A2ML1: variants seen among roughly 807,000 people sequenced by gnomAD.
A2ML1 encodes alpha-2-macroglobulin-like protein 1.
A2ML1 carries 161 observed loss-of-function variants against 181.9 expected under a neutral mutation model. That is an observed-to-expected ratio of 0.89 (90% CI 0.78 to 1.01). The LOEUF is 1.01. Ranked by LOEUF, A2ML1 falls within the 50% of genes least tolerant of loss-of-function variation. A2ML1 has a pLI of 0.00. For synonymous variants in A2ML1, 663 were observed against 666.8 expected (o/e 0.99, Z 0.09); for missense variants, 1,670 against 1,768.1 (o/e 0.94, Z 1.00).
At chr12:8,841,658 C>T in intron 11 of A2ML1, 122 bp downstream of exon 11, 1 of 1,041,002 alleles carries the variant, frequency 9.6e-7, no homozygotes, top group Non-Finnish European at 1.4e-6. Flanking sequence ...CTCACAAGTC[C>T]TGCTCTCCCG....
intron 7 of A2ML1, among the ~76,000 whole-genome samples, chr12:8,882,704 G>A (rs1287300840): frequency 2.0e-5 from 3 of 152,172 alleles, no homozygotes; most frequent in African/African-American, 7.2e-5. Flanking sequence ...GCTCCCACCT[G>A]TAGTCCCAGC....
chr12:8,833,367 G>T (rs1337347661), intron 4 of A2ML1, among the ~76,000 whole-genome samples: 8 of 152,248 alleles, frequency 5.3e-5, no homozygotes, highest in African/African-American at 1.9e-4. Context: ...CCCTGTGTGA[G>T]AAAAGTACTT....
intron 23 of A2ML1, among the ~76,000 whole-genome samples, chr12:8,856,898 C>CTTTT (rs71891886): frequency 1.2e-4 from 15 of 124,962 alleles, no homozygotes; most frequent in East Asian, 5.0e-4. Flanking sequence ...ACAGTAGGTA[C>CTTTT]TTTTTTTTTT....
At chr12:8,835,120 A>G (rs1450633708) in intron 5 of A2ML1, among the ~76,000 whole-genome samples, 1 of 152,222 alleles carries the variant, frequency 6.6e-6, no homozygotes, top group Non-Finnish European at 1.5e-5. Context: ...TTTCCATTAA[A>G]TCACCCATGT....
At chr12:8,841,189 A>T (rs1943467916) in intron 10 of A2ML1, among the ~76,000 whole-genome samples, 180 bp from the exon 11 acceptor site, 1 of 152,180 alleles carries the variant, frequency 6.6e-6, no homozygotes, top group African/African-American at 2.4e-5. Flanking sequence ...CCTAGTTCAA[A>T]AGCTTGAATC....
In A2ML1 at chr12:8,845,162, A is replaced by G. The variant is rs777472744; in HGVS notation, c.1477-280A>G. 352 of 1,498,024 alleles carry G rather than the reference A, an allele frequency of 2.3e-4. No individual in the cohort carries two copies. The highest frequency in any genetic ancestry group is 3.0e-4 in the Non-Finnish European group (343 of 1,129,966). 92.8% of individuals were successfully genotyped at this position (1,498,024 alleles called of 1,614,324 possible). A position where few individuals can be genotyped will look rare whatever the true frequency, so the allele number is the denominator to read the frequency against. On this transcript the variant is annotated intron_variant, in intron 12 of 35. Transcript: ENST00000299698. ...TTTGGAGATCTTCAAGAAATGGCAG[A>G]CAGTTATCTATGGTGAGGAACAATT...
At chr12:8,882,162 G>A (rs1944878129) in intron 7 of A2ML1, among the ~76,000 whole-genome samples, 1 of 152,182 alleles carries the variant, frequency 6.6e-6, no homozygotes, top group African/African-American at 2.4e-5. Context: ...GAGAAGCCAA[G>A]AGTGTTGAGG....
intron 22 of A2ML1, 34 bp downstream of exon 22, chr12:8,854,865 A>T (rs376290966): frequency 3.1e-6 from 5 of 1,600,992 alleles, no homozygotes; most frequent in Non-Finnish European, 4.3e-6. Flanking sequence ...GGTGGTGAGA[A>T]TTCCCTTAGA....
chr12:8,848,884 T>C lies in A2ML1; in HGVS notation c.1998T>C (p.Ser666=). Residue 666 remains serine, a synonymous_variant, in exon 16 of 36, where the codon TCT becomes TCC. Transcript: ENST00000299698. ...CCATTATCTGGAGGCCCTCGTTCTCTGAAGGCACGGACCTTTTCAGCTTTT... is the reference window on the plus strand; with the variant it reads ...CCATTATCTGGAGGCCCTCGTTCTCCGAAGGCACGGACCTTTTCAGCTTTT... The part of the protein sequence containing the change: ...QRSIIWRPSF[S]EGTDLFSFFR... The C allele has an allele frequency of 1.9e-6, 3 of 1,613,910 alleles. No individual in the cohort carries two copies. Among genetic ancestry groups the C allele is most frequent in the Non-Finnish European group, 1.7e-6 (2 of 1,179,956 alleles).
intron 4 of A2ML1, chr12:8,830,941 C>CTTTTTTT (rs755018380): frequency 5.0e-5 from 7 of 138,748 alleles, no homozygotes; most frequent in African/African-American, 1.8e-4. Context: ...GTACTTCTTA[C>CTTTTTTT]TTTTTTTTTT....
intron 4 of A2ML1, among the ~76,000 whole-genome samples, chr12:8,830,080 C>T (rs1044544995): frequency 6.6e-6 from 1 of 152,086 alleles, no homozygotes; most frequent in Non-Finnish European, 1.5e-5. Context: ...GAGACAGAGT[C>T]TCGCTCTGTG....
intron 20 of A2ML1, among the ~76,000 whole-genome samples, chr12:8,853,170 T>G (rs1001355915): frequency 1.3e-5 from 2 of 151,612 alleles, no homozygotes; most frequent in African/African-American, 4.8e-5. Flanking sequence ...GCTAATTCAG[T>G]TGGCAGAGAA....
chr12:8,850,569 C>T (rs1943855229), intron 18 of A2ML1, among the ~76,000 whole-genome samples: 2 of 151,916 alleles, frequency 1.3e-5, no homozygotes. Context: ...CAAAACCCTT[C>T]TCAAAATCAA....
At chr12:8,878,153 C>A (rs977834234), downstream of A2ML1, among the ~76,000 whole-genome samples, 1 of 151,880 alleles carries the variant, frequency 6.6e-6, no homozygotes, top group Admixed American at 6.6e-5. The surrounding 1 kb of genome is among the most constrained non-coding windows in gnomAD (Gnocchi z 4.4). Flanking sequence ...AATACAAAAA[C>A]CTAGCAGGGT....
At chr12:8,884,917 C>A (rs1392043517) in intron 7 of A2ML1, among the ~76,000 whole-genome samples, 1 of 152,224 alleles carries the variant, frequency 6.6e-6, no homozygotes, top group Non-Finnish European at 1.5e-5. Flanking sequence ...TTTATCCAAT[C>A]TCTCATTGAT....
chr12:8,881,165 T>G (rs1944866628), downstream of A2ML1, among the ~76,000 whole-genome samples: 1 of 152,300 alleles, frequency 6.6e-6, no homozygotes, highest in Admixed American at 6.5e-5. Context: ...CTGTTAGGTT[T>G]AGTATACGGG....
At chr12:8,826,558 G>A (rs1942935068) in intron 3 of A2ML1, among the ~76,000 whole-genome samples, 1 of 151,818 alleles carries the variant, frequency 6.6e-6, no homozygotes, top group African/African-American at 2.4e-5. Flanking sequence ...AGTGATTCTT[G>A]TGCTTCAGCA....
chr12:8,839,049 C>A, intron 9 of A2ML1, 64 bp from the exon 10 acceptor site: 2 of 1,125,246 alleles, frequency 1.8e-6, no homozygotes, highest in South Asian at 1.5e-5. Flanking sequence ...AGAGACTTGA[C>A]ATTAAACGTG....
At position 8,850,149 on chromosome 12, in the gene A2ML1, A is replaced by T. The variant is rs779134470; in HGVS notation, c.2120-11A>T. On this transcript the variant is annotated splice_polypyrimidine_tract_variant and intron_variant, in intron 17 of 35. Coordinates refer to ENST00000299698, the MANE Select transcript of A2ML1 (RefSeq NM_144670.6). ...TGTTTCCTAAAGTTTTCGTATTCTCAATTTCATCAGCAGGCGGTGGTCATC... is the reference window on the plus strand; with the variant it reads ...TGTTTCCTAAAGTTTTCGTATTCTCTATTTCATCAGCAGGCGGTGGTCATC... 6.3e-7 allele frequency: 1 copy of T among 1,590,026 alleles called. No homozygotes were observed.
Sources: allele counts gnomAD v4.1 joint callset (sites outside exome capture counted in the v4.1 genomes callset), GRCh38; gene constraint gnomAD v4.1.1; non-coding constraint Gnocchi (gnomAD v3.1); transcripts MANE v1.5; gene names NCBI Gene and HGNC (gene_info 2026-07-23, HGNC 2026-07-21).